The following GGT1 variants were observed in gnomAD, a reference collection of about 807,000 sequenced individuals.
GGT1 encodes the protein gamma-glutamyltransferase 1, also known as glutathione hydrolase 1 proenzyme.
In GGT1, 21 loss-of-function variants were observed where a neutral mutation model predicts 56.0. That is an observed-to-expected ratio of 0.38 (90% CI 0.27 to 0.54). GGT1 has a LOEUF of 0.54. Among genes scored for constraint, GGT1 ranks in the 20% least tolerant of loss-of-function variants. The pLI, the probability that GGT1 is intolerant of heterozygous loss-of-function variation, is 0.82. For synonymous variants in GGT1, 238 were observed against 342.6 expected, an observed-to-expected ratio of 0.69 and a Z score of 3.37; for missense variants, 466 against 787.0, an observed-to-expected ratio of 0.59 and a Z score of 4.88.
At chr22:24,615,444 C>A (rs1176721591) in intron 7 of GGT1, among the ~76,000 whole-genome samples, 1 of 152,204 alleles carries the variant, frequency 6.6e-6, no homozygotes, top group Non-Finnish European at 1.5e-5. Flanking sequence ...GTGCTTTTCA[C>A]CCATGAGCCT....
upstream of GGT1, chr22:24,592,424 C>G (rs944801751): frequency 2.1e-6 from 1 of 470,506 alleles, no homozygotes; most frequent in Middle Eastern, 3.3e-4. Context: ...CTCCCGGATC[C>G]TGGAGGAGGG....
At position 24,615,111 on chromosome 22, in the gene GGT1, G is replaced by A. The variant is rs571331767; in HGVS notation, c.366G>A (p.Ser122=). 2.9e-5 allele frequency: 47 copies of A among 1,611,528 alleles called. No individual in the cohort carries two copies. The highest frequency in any genetic ancestry group is 2.6e-4 in the South Asian group (24 of 90,972). Reference sequence around the variant, plus strand: ...CCTTTGCCACCATGTTCAACAGCTCGGAGCAGTCCCAGAAGGGTAAGCCAT... The same window carrying A: ...CCTTTGCCACCATGTTCAACAGCTCAGAGCAGTCCCAGAAGGGTAAGCCAT... ...RLAFATMFNS[S]EQSQKGGLSV... The change falls in exon 7 of 16, where the codon TCG becomes TCA. Residue 122 remains serine, a synonymous_variant. Transcript: ENST00000400382.
In GGT1 at chr22:24,623,773, C is replaced by T. The variant is rs1332881690; in HGVS notation, c.884-7C>T. The T allele has an allele frequency of 1.2e-6, 2 of 1,611,690 alleles. No individual in the cohort carries two copies. The highest frequency in any genetic ancestry group is 1.7e-5 in the Admixed American group (1 of 59,986). On this transcript the variant is annotated splice_polypyrimidine_tract_variant and splice_region_variant and intron_variant, in intron 10 of 15. Transcript: ENST00000400382. ...TCAGCAACATGCACCTGGCTCTGAT[C>T]AACCAGGGTACAACTTCTCCCGGGA...
Position 24,605,106 on chromosome 22 carries a change from ATT to A in GGT1, c.-429+1580_-429+1581del, listed in dbSNP as rs2045977220. ...AAGTATATTATATAATATGTATTAT[ATT>A]ATATATTATATAATATGTAATATAT... On this transcript the variant is annotated intron_variant, in intron 1 of 15. Coordinates refer to ENST00000400382, the MANE Select transcript of GGT1 (RefSeq NM_001288833.2). 1.2e-4 allele frequency among the ~76,000 whole-genome samples: 4 copies of A among 33,474 alleles called. 1 individual carries two copies. The highest frequency in any genetic ancestry group is 4.9e-4 in the African/African-American group (4 of 8,184). 22.0% of individuals were successfully genotyped at this position (33,474 alleles called of 152,430 possible).
chr22:24,607,438 G>A (rs945223961), intron 1 of GGT1, among the ~76,000 whole-genome samples: 2 of 152,206 alleles, frequency 1.3e-5, no homozygotes, highest in African/African-American at 4.8e-5. Flanking sequence ...GGGCTCGTGG[G>A]CAGACAGCGC....
At position 24,628,109 on chromosome 22, in the gene GGT1, G is replaced by C; in HGVS notation, c.1365G>C (p.Pro455=). ...PGKQPLSSMC[P]TIMVGQDGQV... ...AGCAGCCGCTCTCGTCCATGTGCCC[G>C]ACGATCATGGTGGGCCAGGACGGCC... Residue 455 remains proline, a synonymous_variant, in exon 14 of 16, where the codon CCG becomes CCC. Coordinates refer to ENST00000400382, the MANE Select transcript of GGT1 (RefSeq NM_001288833.2). This position sits in a 1 kb window ranked among gnomAD's most constrained non-coding sequence, Gnocchi z 5.7. 3.1e-6 allele frequency: 5 copies of C among 1,611,942 alleles called. No homozygotes were observed. Among genetic ancestry groups the C allele is most frequent in the Non-Finnish European group, 4.2e-6 (5 of 1,179,846 alleles).
upstream of GGT1, chr22:24,592,251 G>A (rs1294102413): frequency 8.4e-5 from 39 of 462,676 alleles, no homozygotes; most frequent in East Asian, 1.7e-3. Context: ...CCACCGGACC[G>A]AGTGTTGTGA....
rs992878240 is a variant in GGT1, at chr22:24,603,345, C to T, written c.-611C>T. On this transcript the variant is annotated 5_prime_UTR_variant, in exon 1 of 16. Transcript: ENST00000400382. ...AGGTGGGGAAGCTCAGGTCAGGGCACTCCCATGAGTGTCTGGAGGCCTGAG... is the reference window on the plus strand; with the variant it reads ...AGGTGGGGAAGCTCAGGTCAGGGCATTCCCATGAGTGTCTGGAGGCCTGAG... 6.6e-6 allele frequency: 1 copy of T among 152,272 alleles called. No individual in the cohort carries two copies. Among genetic ancestry groups the T allele is most frequent in the African/African-American group, 2.4e-5 (1 of 41,454 alleles). The allele number at this position is 152,272 out of a possible 1,614,324, so 9.4% of individuals were successfully genotyped here. A position where few individuals can be genotyped will look rare whatever the true frequency, so the allele number is the denominator to read the frequency against.
At chr22:24,621,537 G>A (rs1431877442) in intron 9 of GGT1, among the ~76,000 whole-genome samples, 1 of 141,208 alleles carries the variant, frequency 7.1e-6, no homozygotes, top group Non-Finnish European at 1.5e-5. Context: ...GCAGGGGCCT[G>A]GAGCTTGGCT....
At chr22:24,611,935 T>C (rs2046732585) in intron 5 of GGT1, among the ~76,000 whole-genome samples, 1 of 152,162 alleles carries the variant, frequency 6.6e-6, no homozygotes, top group Admixed American at 6.6e-5. Flanking sequence ...GCCTCCACAG[T>C]AGCTGAGACT....
chr22:24,616,780 C>A (rs1312123099), intron 7 of GGT1, among the ~76,000 whole-genome samples: 2 of 151,910 alleles, frequency 1.3e-5, no homozygotes, highest in Non-Finnish European at 2.9e-5. Context: ...CTCCTGACCT[C>A]GTGATCCCCC....
chr22:24,616,113 A>G (rs2047044668), intron 7 of GGT1: 1 of 57,282 alleles, frequency 1.7e-5, no homozygotes, highest in Non-Finnish European at 3.4e-5. Context: ...GACCCTGCCA[A>G]AAAAAAAAAA....
At chr22:24,584,164 A>G in the GGT1 span, among the ~76,000 whole-genome samples, 12 of 152,176 alleles carry the variant, frequency 7.9e-5, no homozygotes, top group South Asian at 2.3e-3. Context: ...AAACACTTCT[A>G]TGGCTTCTGA....
chr22:24,621,757 A>ACT (rs1240036275), intron 9 of GGT1, among the ~76,000 whole-genome samples: 1 of 152,152 alleles, frequency 6.6e-6, no homozygotes, highest in Non-Finnish European at 1.5e-5. Flanking sequence ...TCCAGTTAGA[A>ACT]AAGGCCCTCT....
intron 2 of GGT1, chr22:24,609,021 C>T (rs1402495358): frequency 6.6e-6 from 1 of 152,226 alleles, no homozygotes; most frequent in Non-Finnish European, 1.5e-5. Flanking sequence ...GCTCCTGAGG[C>T]TCTTTGGACC....
At chr22:24,621,636 G>A (rs549916561) in intron 9 of GGT1, among the ~76,000 whole-genome samples, 3 of 152,188 alleles carry the variant, frequency 2.0e-5, no homozygotes, top group Admixed American at 6.5e-5. Flanking sequence ...AAATTGGCAT[G>A]CCAATACCCT....
At chr22:24,605,261 T>C (rs372684063) in intron 1 of GGT1, among the ~76,000 whole-genome samples, 1,281 of 47,820 alleles carry the variant, frequency 0.027, 234 homozygotes, top group Non-Finnish European at 0.037. Context: ...ATATGTATTA[T>C]ATATTATATA....
upstream of GGT1, chr22:24,590,085 C>T (rs2045523689): frequency 8.2e-6 from 9 of 1,103,308 alleles, no homozygotes; most frequent in South Asian, 5.4e-5. Context: ...ATTCTCCCCA[C>T]AGGCGGCCAT....
chr22:24,602,287 C>T (rs1173409963), upstream of GGT1, among the ~76,000 whole-genome samples: 2 of 152,208 alleles, frequency 1.3e-5, no homozygotes. Flanking sequence ...GGTGTCTGCC[C>T]CTTCCCTAGG....
Sources: allele counts gnomAD v4.1 joint callset (sites outside exome capture counted in the v4.1 genomes callset), GRCh38; gene constraint gnomAD v4.1.1; non-coding constraint Gnocchi (gnomAD v3.1); transcripts MANE v1.5; gene names NCBI Gene and HGNC (gene_info 2026-07-23, HGNC 2026-07-21).